Variants in KANK1 observed in about 807,000 individuals in gnomAD.
KANK1 encodes KN motif and ankyrin repeat domains 1.
Under a neutral mutation model 106.2 loss-of-function variants are expected in KANK1, and 109 were observed. The ratio of observed to expected loss-of-function variants is 1.03; its 90% confidence interval spans 0.88 to 1.20. The LOEUF is 1.20. Ranked by LOEUF, KANK1 falls within the 50% of genes most tolerant of loss-of-function variation. KANK1 has a pLI of 0.00. For missense variants in KANK1, 2,399 were observed against 1,710.7 expected, an observed-to-expected ratio of 1.40 and a Z score of -7.10; for synonymous variants, 873 against 652.2, an observed-to-expected ratio of 1.34 and a Z score of -5.16.
At chr9:693,281 C>A in intron 2 of KANK1, 1 of 635,712 alleles carries the variant, frequency 1.6e-6, no homozygotes, top group Non-Finnish European at 2.0e-6. Context: ...AAAACTCAAT[C>A]ATTTCCTTCA....
chr9:487,515 C>T (rs985992419), intron 3 of KANK1, among the ~76,000 whole-genome samples: 3 of 152,114 alleles, frequency 2.0e-5, no homozygotes, highest in South Asian at 2.1e-4. Flanking sequence ...ATAACCTCAT[C>T]GTAAGTTGGG....
At chr9:693,816 A>G (rs933532033) in intron 2 of KANK1, 11 of 985,118 alleles carry the variant, frequency 1.1e-5, no homozygotes, top group Non-Finnish European at 1.3e-5. Flanking sequence ...AAAGAAAGAG[A>G]GGAGGAGAGC....
chr9:612,180 T>C (rs1183126108), intron 1 of KANK1, among the ~76,000 whole-genome samples: 2 of 152,220 alleles, frequency 1.3e-5, no homozygotes, highest in African/African-American at 4.8e-5. Flanking sequence ...AAACTATCTG[T>C]TGTTTTGTGC....
chr9:693,730 T>A, intron 2 of KANK1: 1 of 985,404 alleles, frequency 1.0e-6, no homozygotes, highest in Non-Finnish European at 1.2e-6. Flanking sequence ...GAGGGAAGTT[T>A]GCCTGAGACC....
At chr9:626,385 G>T (rs537844277) in intron 1 of KANK1, among the ~76,000 whole-genome samples, 2 of 152,064 alleles carry the variant, frequency 1.3e-5, no homozygotes, top group Non-Finnish European at 2.9e-5. Context: ...AATTCAGGAG[G>T]CAGAGGTTGC....
rs1047103924 is a variant in KANK1 at position 636,462 on chromosome 9, G to A, written c.-83-40428G>A. On this transcript the variant is annotated intron_variant, in intron 1 of 11. Transcript: ENST00000382297. ...CATCTCATTTCTCTTCTGTTCCACA[G>A]CATTCAGGACAATATTAAAGAGATC... Among the ~76,000 whole-genome samples, 10 of 152,056 alleles carry A rather than the reference G, an allele frequency of 6.6e-5. No individual in the cohort carries two copies. In the South Asian group the frequency reaches 2.1e-3, roughly 31 times the overall value.
At chr9:555,318 C>T (rs1000791939) in intron 1 of KANK1, among the ~76,000 whole-genome samples, 4 of 152,152 alleles carry the variant, frequency 2.6e-5, no homozygotes, top group African/African-American at 9.7e-5. Context: ...ACAGTGGGGA[C>T]ACCTGCCTCC....
chr9:740,745 T>G (rs763065573), intron 8 of KANK1, 47 bp from the exon 9 acceptor site: 3 of 1,587,448 alleles, frequency 1.9e-6, no homozygotes, highest in African/African-American at 2.7e-5. Context: ...CGGCTGCTAT[T>G]AGAAGGGGCT....
At chr9:695,226 C>T (rs748348122) in intron 2 of KANK1, among the ~76,000 whole-genome samples, 6 of 152,144 alleles carry the variant, frequency 3.9e-5, no homozygotes, top group Admixed American at 1.3e-4. Flanking sequence ...ACCGTCTTTG[C>T]ACAGTGTGTT....
At chr9:636,695 A>G (rs1030773723) in intron 1 of KANK1, among the ~76,000 whole-genome samples, 15 of 152,118 alleles carry the variant, frequency 9.9e-5, no homozygotes, top group Non-Finnish European at 1.3e-4. Context: ...ATGAAACCCC[A>G]TATCTACTAA....
Position 740,769 on chromosome 9 carries a change from CTTTTTTTTTTT to C in KANK1, c.3554-15_3554-5del, listed in dbSNP as rs58169581. ...TTAGAAGGGGCTGCTTCCTAAGAGA[CTTTTTTTTTTT>C]TTTTTTTACAGATGTGTGTAATGTG... On this transcript the variant is annotated splice_polypyrimidine_tract_variant and intron_variant, in intron 8 of 11. Coordinates refer to ENST00000382297, the MANE Select transcript of KANK1 (RefSeq NM_015158.5). The C allele has an allele frequency of 1.6e-6, 2 of 1,267,014 alleles. No homozygotes were observed. The highest frequency in any genetic ancestry group is 3.1e-5 in the African/African-American group (2 of 64,956). 78.5% of individuals were successfully genotyped at this position (1,267,014 alleles called of 1,614,324 possible). A position where few individuals can be genotyped will look rare whatever the true frequency, so the allele number is the denominator to read the frequency against.
At chr9:649,594 C>T (rs542924115) in intron 1 of KANK1, among the ~76,000 whole-genome samples, 1 of 152,184 alleles carries the variant, frequency 6.6e-6, no homozygotes, top group Non-Finnish European at 1.5e-5. Context: ...GCTGTTAAAA[C>T]GAAAGCATGT....
chr9:507,114 G>C (rs977549911), intron 1 of KANK1, among the ~76,000 whole-genome samples: 1 of 151,094 alleles, frequency 6.6e-6, no homozygotes, highest in African/African-American at 2.4e-5. Context: ...CCTGTTGCAT[G>C]GGTGACAGCT....
intron 7 of KANK1, among the ~76,000 whole-genome samples, chr9:735,945 A>G (rs919968537): frequency 1.3e-5 from 2 of 152,128 alleles, no homozygotes; most frequent in South Asian, 4.1e-4. Context: ...CAGTGAGCCA[A>G]GATTGCACCT....
At chr9:499,529 G>C (rs184584232) in intron 3 of KANK1, among the ~76,000 whole-genome samples, 8 of 152,094 alleles carry the variant, frequency 5.3e-5, no homozygotes, top group African/African-American at 1.9e-4. Context: ...ATCCTCCACC[G>C]CCGACAAGGC....
chr9:589,447 G>C (rs1476056575), intron 1 of KANK1, among the ~76,000 whole-genome samples: 1 of 152,142 alleles, frequency 6.6e-6, no homozygotes, highest in Non-Finnish European at 1.5e-5. Context: ...GGATGCCACT[G>C]GGAGGAGGGA....
chr9:694,518 T>A (rs890457290), intron 2 of KANK1, among the ~76,000 whole-genome samples: 2 of 152,196 alleles, frequency 1.3e-5, no homozygotes, highest in South Asian at 4.1e-4. Context: ...TAGGAGCCCA[T>A]GGCATTTTGG....
intron 1 of KANK1, among the ~76,000 whole-genome samples, chr9:626,322 G>A (rs910572244): frequency 1.3e-5 from 2 of 151,996 alleles, no homozygotes; most frequent in Non-Finnish European, 2.9e-5. Context: ...AGGCGTGGTG[G>A]TACATGCCTG....
intron 3 of KANK1, among the ~76,000 whole-genome samples, chr9:491,319 G>A (rs2058374256): frequency 6.7e-6 from 1 of 149,906 alleles, no homozygotes; most frequent in South Asian, 2.1e-4. Flanking sequence ...CCAGGCTGGT[G>A]TGCAGTGGCA....
Sources: allele counts gnomAD v4.1 joint callset (sites outside exome capture counted in the v4.1 genomes callset), GRCh38; gene constraint gnomAD v4.1.1; transcripts MANE v1.5; gene names NCBI Gene and HGNC (gene_info 2026-07-23, HGNC 2026-07-21).